KAZN: variants seen among roughly 807,000 people sequenced by gnomAD.
The protein encoded by KAZN is kazrin, periplakin interacting protein.
KAZN carries 40 observed loss-of-function variants against 87.4 expected under a neutral mutation model. The ratio of observed to expected loss-of-function variants is 0.46; its 90% CI spans 0.36 to 0.60. KAZN has a LOEUF of 0.60. Among genes scored for constraint, KAZN ranks in the 20% least tolerant of loss-of-function variants. KAZN has a pLI of 0.00. For synonymous variants in KAZN, 466 were observed against 458.3 expected, an observed-to-expected ratio of 1.02 and a Z score of -0.22; for missense variants, 898 against 1,073.9, an observed-to-expected ratio of 0.84 and a Z score of 2.29.
intron 1 of KAZN, among the ~76,000 whole-genome samples, chr1:14,698,125 AT>A (rs765810438): frequency 2.6e-5 from 4 of 152,178 alleles, no homozygotes; most frequent in Admixed American, 6.5e-5. Flanking sequence ...GTGGCTCTTC[AT>A]TCCTAGGGAA....
chr1:14,527,411 TG>T (rs1411934038), intron 2 of KAZN, among the ~76,000 whole-genome samples: 2 of 152,062 alleles, frequency 1.3e-5, no homozygotes, highest in African/African-American at 4.8e-5. Flanking sequence ...TAGCCAGGCG[TG>T]GTGGCGGGCA....
chr1:14,593,838 C>T (rs944926240), upstream of KAZN, among the ~76,000 whole-genome samples: 1 of 152,108 alleles, frequency 6.6e-6, no homozygotes, highest in East Asian at 1.9e-4. Context: ...GAGTGGTGAG[C>T]AAGTGGTGTG....
chr1:14,861,585 C>T (rs1011610686), intron 1 of KAZN, among the ~76,000 whole-genome samples: 6 of 152,128 alleles, frequency 3.9e-5, no homozygotes, highest in Non-Finnish European at 8.8e-5. Context: ...TTCATTACTA[C>T]GACTTCCTTC....
At chr1:14,319,463 A>G (rs1655897638) in intron 2 of KAZN, among the ~76,000 whole-genome samples, 1 of 152,112 alleles carries the variant, frequency 6.6e-6, no homozygotes, top group African/African-American at 2.4e-5. Context: ...CACCCTACAC[A>G]TAGATGTCTT....
chr1:15,087,186 C>T (rs763599188), intron 8 of KAZN, among the ~76,000 whole-genome samples: 2 of 152,152 alleles, frequency 1.3e-5, no homozygotes, highest in African/African-American at 4.8e-5. Flanking sequence ...CTAATGCAAG[C>T]CACATGTGTA....
At chr1:14,557,606 A>G (rs1056515556) in intron 2 of KAZN, among the ~76,000 whole-genome samples, 2 of 151,484 alleles carry the variant, frequency 1.3e-5, no homozygotes, top group African/African-American at 4.9e-5. Context: ...CTCCAGAGAA[A>G]CAAAACCAAT....
chr1:14,427,582 CAT>C (rs201606040), intron 2 of KAZN, among the ~76,000 whole-genome samples: 3,248 of 149,308 alleles, frequency 0.022, 53 homozygotes, highest in Middle Eastern at 0.038. Flanking sequence ...TATGTGTACA[CAT>C]ATGTGTATAC....
chr1:15,107,576 A>G (rs1306280400), intron 13 of KAZN, among the ~76,000 whole-genome samples: 1 of 152,222 alleles, frequency 6.6e-6, no homozygotes, highest in Non-Finnish European at 1.5e-5. Context: ...GGTAATCACT[A>G]TCTGCCACCC....
intron 1 of KAZN, among the ~76,000 whole-genome samples, chr1:14,882,717 A>G (rs1479493519): frequency 6.6e-6 from 1 of 152,204 alleles, no homozygotes; most frequent in Non-Finnish European, 1.5e-5. Context: ...TTGCAAAACT[A>G]AAAGCAATTA....
intron 1 of KAZN, among the ~76,000 whole-genome samples, chr1:13,906,546 C>T (rs553564111): frequency 1.3e-5 from 2 of 152,310 alleles, no homozygotes; most frequent in African/African-American, 4.8e-5. Context: ...CAGTCTGCCT[C>T]TTCCCGTTCT....
chr1:14,587,312 T>TGTAATCCCA (rs1327001480), intron 2 of KAZN, among the ~76,000 whole-genome samples: 1 of 151,942 alleles, frequency 6.6e-6, no homozygotes, highest in Non-Finnish European at 1.5e-5. Context: ...GGCATGCACC[T>TGTAATCCCA]GTAATCCCAG....
chr1:14,037,699 G>A (rs114675474), intron 1 of KAZN, among the ~76,000 whole-genome samples: 124 of 152,294 alleles, frequency 8.1e-4, no homozygotes, highest in African/African-American at 2.9e-3. Context: ...TGGCAGCCTG[G>A]TCACAAATAA....
intron 1 of KAZN, among the ~76,000 whole-genome samples, chr1:14,883,979 T>C (rs1252757544): frequency 2.0e-5 from 3 of 152,192 alleles, no homozygotes; most frequent in African/African-American, 7.2e-5. Context: ...TATATCTGTA[T>C]GTGTCTTCTT....
At chr1:14,502,851 A>T (rs1036150122) in intron 2 of KAZN, among the ~76,000 whole-genome samples, 2 of 152,136 alleles carry the variant, frequency 1.3e-5, no homozygotes, top group African/African-American at 2.4e-5. Flanking sequence ...TAACTTTATG[A>T]TCCCTATTTT....
chr1:14,127,939 A>G, intron 1 of KAZN, among the ~76,000 whole-genome samples: 1 of 152,126 alleles, frequency 6.6e-6, no homozygotes, highest in East Asian at 1.9e-4. Flanking sequence ...TGCTGGGAGG[A>G]CCAGGTGGTC....
chr1:15,066,080 C>A lies in KAZN; in HGVS notation c.1222+327C>A. On this transcript the variant is annotated intron_variant, in intron 8 of 14. Coordinates refer to ENST00000376030, the MANE Select transcript of KAZN (RefSeq NM_201628.3). The surrounding 1 kb of genome is among the most constrained non-coding windows in gnomAD (Gnocchi z 4.3). The stretch of plus-strand genomic sequence containing the variant: ...GGAGCGATACAGTTGTGTTGTTAAT[C>A]TGGTTTATTATTTTTCTTCAGTGTT... 8.6e-7 allele frequency: 1 copy of A among 1,168,530 alleles called. No homozygotes were observed. Among genetic ancestry groups the A allele is most frequent in the East Asian group, 3.9e-5 (1 of 25,794 alleles). 72.4% of individuals were successfully genotyped at this position (1,168,530 alleles called of 1,614,324 possible). A position where few individuals can be genotyped will look rare whatever the true frequency, so the allele number is the denominator to read the frequency against.
intron 2 of KAZN, among the ~76,000 whole-genome samples, chr1:14,546,545 CTA>C (rs1673158628): frequency 6.6e-6 from 1 of 151,812 alleles, no homozygotes; most frequent in Non-Finnish European, 1.5e-5. Context: ...TAGTAAATAA[CTA>C]AAACACACAA....
At chr1:14,436,734 A>AAAACAAAAAC (rs35907455) in intron 2 of KAZN, among the ~76,000 whole-genome samples, 12,472 of 137,034 alleles carry the variant, frequency 0.091, 878 homozygotes, top group African/African-American at 0.15. Context: ...AAAAAAAAAA[A>AAAACAAAAAC]AAAACCTTAA....
Position 13,975,494 on chromosome 1 carries a change from ACT to A in KAZN, c.91+81739_91+81740del, listed in dbSNP as rs570172012. On this transcript the variant is annotated intron_variant, in intron 1 of 16. Transcript: ENST00000636203. ...AAGAGCTGCATGTGCCTAATTTGCAACTTGAAACACAATTGGACTTTCTCTAT... is the reference window on the plus strand; with the variant it reads ...AAGAGCTGCATGTGCCTAATTTGCAATGAAACACAATTGGACTTTCTCTAT... 2.4e-3 allele frequency among the ~76,000 whole-genome samples: 360 copies of A among 152,334 alleles called. 2 individuals are homozygous for A. The highest frequency in any genetic ancestry group is 8.4e-3 in the African/African-American group (351 of 41,566).
Sources: allele counts gnomAD v4.1 joint callset (sites outside exome capture counted in the v4.1 genomes callset), GRCh38; gene constraint gnomAD v4.1.1; non-coding constraint Gnocchi (gnomAD v3.1); transcripts MANE v1.5; gene names NCBI Gene and HGNC (gene_info 2026-07-23, HGNC 2026-07-21).